RYR2: variants seen among roughly 807,000 people sequenced by gnomAD.
RYR2 encodes the protein ryanodine receptor 2, also known as cardiac muscle ryanodine receptor-calcium release channel.
A neutral mutation model predicts 601.1 loss-of-function variants in RYR2; 227 were observed. The observed-to-expected ratio is 0.38, with a 90% CI of 0.34 to 0.42. The LOEUF (loss-of-function observed/expected upper bound fraction) is 0.42. RYR2 is among the 10% of genes least tolerant of loss of function. The probability of loss-of-function intolerance (pLI) is 1.00; values close to 1 mark genes in which losing one functional copy is unlikely to be tolerated. For missense variants in RYR2, 4,646 were observed against 6,156.5 expected (o/e 0.75, Z 8.21); for synonymous variants, 2,223 against 2,175.1 (o/e 1.02, Z -0.61).
intron 1 of RYR2, among the ~76,000 whole-genome samples, chr1:237,219,950 G>A (rs1225026729): frequency 6.6e-6 from 1 of 152,210 alleles, no homozygotes; most frequent in South Asian, 2.1e-4. Context: ...TGCCAGGAAT[G>A]ACGTTCAGCA....
intron 24 of RYR2, among the ~76,000 whole-genome samples, chr1:237,521,195 C>T (rs1002386285): frequency 2.4e-4 from 36 of 152,114 alleles, no homozygotes; most frequent in African/African-American, 8.5e-4. Context: ...TCTCCCTAAC[C>T]GCTCTATGAA....
intron 5 of RYR2, among the ~76,000 whole-genome samples, chr1:237,367,198 A>G (rs551356830): frequency 1.3e-5 from 2 of 152,194 alleles, no homozygotes; most frequent in Admixed American, 6.5e-5. Context: ...GGTTCAAGCC[A>G]TTCTTCTGTC....
intron 29 of RYR2, among the ~76,000 whole-genome samples, chr1:237,589,163 G>A (rs1265714482): frequency 6.6e-6 from 1 of 152,102 alleles, no homozygotes; most frequent in Non-Finnish European, 1.5e-5. Context: ...ATAAATACAT[G>A]CTTCATACAT....
At chr1:237,354,340 A>T (rs1699115406) in intron 3 of RYR2, among the ~76,000 whole-genome samples, 1 of 149,392 alleles carries the variant, frequency 6.7e-6, no homozygotes, top group Non-Finnish European at 1.5e-5. Flanking sequence ...CACTGATGGG[A>T]GTGTGTGTGT....
chr1:237,806,946 C>T (rs933991563), intron 99 of RYR2, among the ~76,000 whole-genome samples: 7 of 152,142 alleles, frequency 4.6e-5, no homozygotes, highest in East Asian at 3.9e-4. Flanking sequence ...TGCTATTTTT[C>T]AAGTGTCCAC....
At chr1:237,151,262 A>T (rs1432001484) in intron 1 of RYR2, among the ~76,000 whole-genome samples, 1 of 152,194 alleles carries the variant, frequency 6.6e-6, no homozygotes, top group African/African-American at 2.4e-5. Flanking sequence ...CCCGAAGGGC[A>T]TTATTACTTA....
At chr1:237,512,486 A>G (rs1666012061) in intron 24 of RYR2, among the ~76,000 whole-genome samples, 1 of 152,206 alleles carries the variant, frequency 6.6e-6, no homozygotes, top group Non-Finnish European at 1.5e-5. Context: ...GTATTTCCTA[A>G]ACTGATTTCA....
Position 237,331,709 on chromosome 1 carries a change from T to C in RYR2, c.273+727T>C, listed in dbSNP as rs190883519. ...TTTTCTATTTTTAGTAGAGACGGGG[T>C]TTCACCATGTTGGCCAGGATGGTCT... On this transcript the variant is annotated intron_variant, in intron 3 of 104. Coordinates refer to ENST00000366574, the MANE Select transcript of RYR2 (RefSeq NM_001035.3). Among the ~76,000 whole-genome samples, 861 of 151,178 alleles carry C rather than the reference T, an allele frequency of 5.7e-3. 5 individuals carry two copies. Among genetic ancestry groups the C allele is most frequent in the African/African-American group, 0.018 (727 of 41,122 alleles).
intron 10 of RYR2, among the ~76,000 whole-genome samples, chr1:237,405,487 A>G (rs1281032696): frequency 6.6e-6 from 1 of 152,208 alleles, no homozygotes; most frequent in East Asian, 1.9e-4. Flanking sequence ...CTGAACTTCT[A>G]TCCTAAATGT....
At chr1:237,636,271 G>A (rs1340268557) in intron 44 of RYR2, among the ~76,000 whole-genome samples, 1 of 152,078 alleles carries the variant, frequency 6.6e-6, no homozygotes, top group African/African-American at 2.4e-5. Flanking sequence ...GGTCAGAGTG[G>A]TTTTTCCTCT....
chr1:237,682,716 T>C (rs1685999706), intron 62 of RYR2, among the ~76,000 whole-genome samples: 1 of 152,226 alleles, frequency 6.6e-6, no homozygotes, highest in African/African-American at 2.4e-5. Context: ...TGCATGACTG[T>C]ATTTCATCTT....
intron 1 of RYR2, among the ~76,000 whole-genome samples, chr1:237,108,974 T>C (rs17612827): frequency 0.17 from 25,593 of 152,094 alleles, 2,420 homozygotes; most frequent in Non-Finnish European, 0.2. Context: ...ACTCTTTACA[T>C]GAACATGAGC....
chr1:237,614,689 C>T lies in RYR2; in HGVS notation c.5561C>T (p.Ala1854Val). Residue 1854 changes from alanine (A) to valine (V), a missense_variant, in exon 37 of 105, where the codon GCT (alanine) becomes GTT (valine). Physicochemically the swap from Ala to Val is moderately conservative, Grantham distance 64. Coordinates refer to ENST00000366574, the MANE Select transcript of RYR2 (RefSeq NM_001035.3). The surrounding 1 kb of genome is among the most constrained non-coding windows in gnomAD (Gnocchi z 4.3). Reference protein sequence around the residue: ...QLIEPSVFKEAATPEEESDTL... With the variant: ...QLIEPSVFKEVATPEEESDTL... The stretch of plus-strand genomic sequence containing the variant: ...ATTGAGCCCAGTGTGTTTAAAGAAG[C>T]TGCCACTCCGGAGGAGGAGAGTGAC... 1 of 1,614,012 alleles carries T rather than the reference C, an allele frequency of 6.2e-7. No individual in the cohort carries two copies. Among genetic ancestry groups the T allele is most frequent in the Non-Finnish European group, 8.5e-7 (1 of 1,179,896 alleles).
chr1:237,619,497 T>C (rs1678839559), intron 38 of RYR2, among the ~76,000 whole-genome samples: 1 of 152,066 alleles, frequency 6.6e-6, no homozygotes, highest in Non-Finnish European at 1.5e-5. Context: ...AAGATGAATA[T>C]AACAAAAGAT....
intron 1 of RYR2, among the ~76,000 whole-genome samples, chr1:237,095,537 C>G (rs115567987): frequency 1.3e-5 from 2 of 152,152 alleles, no homozygotes; most frequent in African/African-American, 2.4e-5. Context: ...GCAGCACTGC[C>G]GACATCTCTT....
At chr1:237,115,294 T>C (rs1260572069) in intron 1 of RYR2, among the ~76,000 whole-genome samples, 5 of 152,080 alleles carry the variant, frequency 3.3e-5, no homozygotes, top group Non-Finnish European at 7.4e-5. Flanking sequence ...GGACCACTCC[T>C]TCCCAGAGAC....
chr1:237,700,369 T>C lies in RYR2; in HGVS notation c.9269T>C (p.Val3090Ala). Reference protein sequence around the residue: ...FTHTRNQPKGVTQIINYTTVA... With the variant: ...FTHTRNQPKGATQIINYTTVA... The stretch of plus-strand genomic sequence containing the variant: ...CACACCCGAAACCAGCCCAAAGGGG[T>C]TACTCAGATTATCAATTACACCACA... The change falls in exon 65 of 105, where the codon GTT (valine) becomes GCT (alanine). Residue 3090 changes from valine to alanine, a missense_variant. Transcript: ENST00000366574. 2.5e-6 allele frequency: 4 copies of C among 1,605,934 alleles called. No individual in the cohort carries two copies. Among genetic ancestry groups the C allele is most frequent in the Non-Finnish European group, 3.4e-6 (4 of 1,175,886 alleles).
intron 16 of RYR2, among the ~76,000 whole-genome samples, chr1:237,461,221 G>T (rs2808222): frequency 6.6e-6 from 1 of 151,942 alleles, no homozygotes; most frequent in African/African-American, 2.4e-5. Context: ...ACACAGTATC[G>T]CACATCTGCA....
intron 1 of RYR2, among the ~76,000 whole-genome samples, chr1:237,211,122 C>T (rs79360905): frequency 0.089 from 13,466 of 152,158 alleles, 672 homozygotes; most frequent in East Asian, 0.18. Flanking sequence ...TATGGTGACA[C>T]GGACGCGGAT....
Sources: allele counts gnomAD v4.1 joint callset (sites outside exome capture counted in the v4.1 genomes callset), GRCh38; gene constraint gnomAD v4.1.1; non-coding constraint Gnocchi (gnomAD v3.1); transcripts MANE v1.5; gene names NCBI Gene and HGNC (gene_info 2026-07-23, HGNC 2026-07-21).